Variants in DENND1A observed in about 807,000 individuals in gnomAD.
The protein encoded by DENND1A is DENN domain-containing protein 1A.
Under a neutral mutation model 113.7 loss-of-function variants are expected in DENND1A, and 51 were observed. The ratio of observed to expected loss-of-function variants is 0.45; its 90% CI spans 0.36 to 0.57. The LOEUF (loss-of-function observed/expected upper bound fraction) is 0.57. DENND1A is among the 20% of genes least tolerant of loss of function. The pLI, the probability that DENND1A is intolerant of heterozygous loss-of-function variation, is 0.00. For synonymous variants in DENND1A, 565 were observed against 570.8 expected (o/e 0.99, Z 0.14); for missense variants, 1,258 against 1,395.9 (o/e 0.90, Z 1.57).
intron 11 of DENND1A, among the ~76,000 whole-genome samples, chr9:123,586,782 G>A (rs545723126): frequency 8.5e-5 from 13 of 152,256 alleles, no homozygotes; most frequent in African/African-American, 2.9e-4. Flanking sequence ...AAGCGCGGAT[G>A]AGAAGAAAGC....
rs2042231154 is a variant in DENND1A, at chr9:123,380,699, A to T, written c.*733T>A. On this transcript the variant is annotated 3_prime_UTR_variant, in exon 24 of 24. Transcript: ENST00000394215. ...TGGGGGCTCCTCCCAAAATACTCAGATGGGGGTTTCCATTTTCCTTCTATA... is the reference window on the plus strand; with the variant it reads ...TGGGGGCTCCTCCCAAAATACTCAGTTGGGGGTTTCCATTTTCCTTCTATA... 1 of 151,022 alleles carries T rather than the reference A, an allele frequency of 6.6e-6. No individual in the cohort carries two copies. The allele number at this position is 151,022 out of a possible 1,614,324, so 9.4% of individuals were successfully genotyped here. A position where few individuals can be genotyped will look rare whatever the true frequency, so the allele number is the denominator to read the frequency against.
intron 10 of DENND1A, among the ~76,000 whole-genome samples, chr9:123,626,560 C>T (rs1204951649): frequency 6.6e-6 from 1 of 152,186 alleles, no homozygotes; most frequent in South Asian, 2.1e-4. Flanking sequence ...CCCTCTAGTT[C>T]CCCTCATCTC....
At chr9:123,521,064 G>A (rs1384892530) in intron 13 of DENND1A, among the ~76,000 whole-genome samples, 1 of 152,156 alleles carries the variant, frequency 6.6e-6, no homozygotes, top group Non-Finnish European at 1.5e-5. Flanking sequence ...CTGAGCTGCT[G>A]GAGTACAGGT....
Position 123,499,687 on chromosome 9 carries a change from C to G in DENND1A, c.994-41790G>C, listed in dbSNP as rs139121318. On this transcript the variant is annotated intron_variant, in intron 13 of 23. Transcript: ENST00000394215. ...CCCACACACTTCACCACCATCTTCTCCTGCTTACGGCAGATGGTTATGACA... is the reference window on the plus strand; with the variant it reads ...CCCACACACTTCACCACCATCTTCTGCTGCTTACGGCAGATGGTTATGACA... Among the ~76,000 whole-genome samples, 22 of 152,366 alleles carry G rather than the reference C, an allele frequency of 1.4e-4. No individual in the cohort carries two copies. The East Asian group carries it at 3.9e-3, about 27-fold the overall frequency.
chr9:123,543,940 C>T (rs542683046), intron 13 of DENND1A, among the ~76,000 whole-genome samples: 25 of 152,276 alleles, frequency 1.6e-4, no homozygotes, highest in Non-Finnish European at 2.8e-4. Context: ...GTCAGGTCTG[C>T]GGTGGGGACC....
intron 2 of DENND1A, among the ~76,000 whole-genome samples, chr9:123,809,751 A>G (rs1250605155): frequency 1.3e-5 from 2 of 152,034 alleles, no homozygotes; most frequent in African/African-American, 4.8e-5. Flanking sequence ...GATCACTGCA[A>G]CCTCCACCCC....
In DENND1A at chr9:123,530,085, A is replaced by G. The variant is rs1355461530; in HGVS notation, c.993+27485T>C. Among the ~76,000 whole-genome samples the G allele has an allele frequency of 5.9e-5, 9 of 152,342 alleles. No homozygotes were observed. In the East Asian group the frequency reaches 1.5e-3, roughly 26 times the overall value. ...AAGAGCAGGTAAGAGCATGGCTAAT[A>G]AATTGGGAAATGCCGACATGTTTAT... On this transcript the variant is annotated intron_variant, in intron 13 of 23. Transcript: ENST00000394215.
rs576901333 is a variant in DENND1A, at chr9:123,816,773, T to C, written c.89-24143A>G. On this transcript the variant is annotated intron_variant, in intron 2 of 23. Transcript: ENST00000394215. The stretch of plus-strand genomic sequence containing the variant: ...CAACTTTCCAAGCTCTTTCACATTC[T>C]TTAGAATTCATAAAGTCCTCCAAAA... 2.0e-5 allele frequency among the ~76,000 whole-genome samples: 3 copies of C among 152,334 alleles called. No homozygotes were observed. In the South Asian group the frequency reaches 6.2e-4, roughly 32 times the overall value.
intron 5 of DENND1A, among the ~76,000 whole-genome samples, chr9:123,690,570 C>T (rs111286190): frequency 0.02 from 3,047 of 152,168 alleles, 50 homozygotes; most frequent in Non-Finnish European, 0.027. Context: ...ATAATATATA[C>T]GAAGGATTTT....
At chr9:123,686,711 T>C (rs1343070621) in intron 5 of DENND1A, among the ~76,000 whole-genome samples, 1 of 152,248 alleles carries the variant, frequency 6.6e-6, no homozygotes, top group African/African-American at 2.4e-5. Context: ...CCAGTGCCTC[T>C]GCTATACCCT....
At chr9:123,751,853 A>G (rs996746076) in intron 5 of DENND1A, 4 of 152,216 alleles carry the variant, frequency 2.6e-5, no homozygotes, top group African/African-American at 4.8e-5. Flanking sequence ...CTCATCAGCA[A>G]CACTTTCCCT....
chr9:123,498,878 A>C (rs1402185757), intron 13 of DENND1A, among the ~76,000 whole-genome samples: 1 of 151,996 alleles, frequency 6.6e-6, no homozygotes, highest in Admixed American at 6.5e-5. Context: ...ACACACCCCC[A>C]TGCCTGGCTA....
chr9:123,871,679 A>G (rs1414566447), intron 2 of DENND1A, among the ~76,000 whole-genome samples: 2 of 152,088 alleles, frequency 1.3e-5, no homozygotes, highest in African/African-American at 4.8e-5. Flanking sequence ...CAACCAAAGC[A>G]CCATGTCTTA....
chr9:123,769,429 A>C, intron 4 of DENND1A, 85 bp downstream of exon 4: 1 of 1,190,938 alleles, frequency 8.4e-7, no homozygotes, highest in Non-Finnish European at 1.2e-6. Flanking sequence ...AAACAGACAG[A>C]ATGTTAAGAA....
chr9:123,673,572 G>C (rs1439225291), intron 6 of DENND1A, among the ~76,000 whole-genome samples: 3 of 152,172 alleles, frequency 2.0e-5, no homozygotes, highest in Non-Finnish European at 4.4e-5. Context: ...ATGGTATTTA[G>C]AAACCAAGAT....
intron 16 of DENND1A, among the ~76,000 whole-genome samples, chr9:123,453,925 C>G (rs1437538695): frequency 6.6e-6 from 1 of 152,192 alleles, no homozygotes; most frequent in African/African-American, 2.4e-5. Context: ...GTCCTTATTA[C>G]TCCTCTCTGA....
chr9:123,429,959 C>T (rs2046015128), intron 19 of DENND1A, among the ~76,000 whole-genome samples: 1 of 151,850 alleles, frequency 6.6e-6, no homozygotes, highest in Non-Finnish European at 1.5e-5. Context: ...TGACAAAGGC[C>T]TAATATCCAG....
intron 1 of DENND1A, among the ~76,000 whole-genome samples, chr9:123,907,520 A>G (rs1246999642): frequency 3.6e-5 from 5 of 137,312 alleles, no homozygotes; most frequent in East Asian, 2.2e-4. Context: ...AAATCAATGT[A>G]CAAAAATCAC....
At chr9:123,516,732 A>C (rs137981793) in intron 13 of DENND1A, among the ~76,000 whole-genome samples, 15 of 151,898 alleles carry the variant, frequency 9.9e-5, no homozygotes, top group African/African-American at 3.4e-4. Context: ...CTAAAAATAC[A>C]AAAATTAGCT....
Sources: allele counts gnomAD v4.1 joint callset (sites outside exome capture counted in the v4.1 genomes callset), GRCh38; gene constraint gnomAD v4.1.1; transcripts MANE v1.5; gene names NCBI Gene and HGNC (gene_info 2026-07-23, HGNC 2026-07-21).